Variants in MCL1 observed in about 807,000 individuals in gnomAD.
MCL1 encodes induced myeloid leukemia cell differentiation protein Mcl-1.
In MCL1, 4 loss-of-function variants were observed where a neutral mutation model predicts 24.2. That is an observed-to-expected ratio of 0.17 (90% CI 0.08 to 0.38). The LOEUF is 0.38. Ranked by LOEUF, MCL1 falls within the 10% of genes least tolerant of loss-of-function variation. MCL1 has a pLI of 1.00. For synonymous variants in MCL1, 248 were observed against 214.0 expected (o/e 1.16, Z -1.39); for missense variants, 529 against 480.3 (o/e 1.10, Z -0.95).
Position 150,575,216 on chromosome 1 carries a change from T to C in MCL1, c.*2159A>G. The C allele has an allele frequency of 4.3e-6, 1 of 233,304 alleles. No individual in the cohort carries two copies. The highest frequency in any genetic ancestry group is 8.5e-6 in the Non-Finnish European group (1 of 117,824). 14.5% of individuals were successfully genotyped at this position (233,304 alleles called of 1,614,324 possible). A position where few individuals can be genotyped will look rare whatever the true frequency, so the allele number is the denominator to read the frequency against. ...TGATCAAGAACGATAAATACATAGG[T>C]AAAAATAGCTCTAGCAAAGATGACC... On this transcript the variant is annotated 3_prime_UTR_variant, in exon 3 of 3. Coordinates refer to ENST00000369026, the MANE Select transcript of MCL1 (RefSeq NM_021960.5).
chr1:150,578,596 A>G, intron 1 of MCL1, 105 bp from the exon 2 acceptor site: 1 of 1,396,080 alleles, frequency 7.2e-7, no homozygotes, highest in Non-Finnish European at 9.8e-7. Context: ...GATTTACAGA[A>G]CTCAGGTTGA....
In MCL1 at chr1:150,579,544, C is replaced by T. The variant is rs769547499; in HGVS notation, c.-14G>A. On this transcript the variant is annotated 5_prime_UTR_variant, in exon 1 of 3. Transcript: ENST00000369026. ...GAGGCCAAACATTGCCAGTCGCCGC[C>T]GCCGCCTGGCTGAGAAAACTGGGGA... 3.8e-6 allele frequency: 6 copies of T among 1,590,804 alleles called. No individual in the cohort carries two copies. Among genetic ancestry groups the T allele is most frequent in the Non-Finnish European group, 4.3e-6 (5 of 1,170,282 alleles).
intron 1 of MCL1, 166 bp downstream of exon 1, chr1:150,578,677 A>G: frequency 2.0e-6 from 2 of 1,011,746 alleles, no homozygotes; most frequent in South Asian, 3.3e-5. Context: ...AAGAATCAAG[A>G]TGGGCGGAAA....
rs981789190 is a variant in MCL1, at chr1:150,575,086, G to A, written c.*2289C>T. 2.1e-5 allele frequency: 5 copies of A among 233,276 alleles called. No individual in the cohort carries two copies. The highest frequency in any genetic ancestry group is 3.4e-5 in the Non-Finnish European group (4 of 117,854). The allele number at this position is 233,276 out of a possible 1,614,324, so 14.5% of individuals were successfully genotyped here. A position where few individuals can be genotyped will look rare whatever the true frequency, so the allele number is the denominator to read the frequency against. ...TATGCACTTGTTTCCACTGGATTTG[G>A]CAGACAGGCTTTTTTAGTTACCGTA... On this transcript the variant is annotated 3_prime_UTR_variant, in exon 3 of 3. Transcript: ENST00000369026.
chr1:150,576,192 A>T lies in MCL1; in HGVS notation c.*1183T>A. ...ATTCAGCTGAAAATCTTTTAGTAAAAGCTTTAAAGATGAGCCCATGAATTC... is the reference window on the plus strand; with the variant it reads ...ATTCAGCTGAAAATCTTTTAGTAAATGCTTTAAAGATGAGCCCATGAATTC... On this transcript the variant is annotated 3_prime_UTR_variant, in exon 3 of 3. Transcript: ENST00000369026. The T allele has an allele frequency of 4.3e-6, 1 of 233,286 alleles. No individual in the cohort carries two copies. The allele number at this position is 233,286 out of a possible 1,614,324, so 14.5% of individuals were successfully genotyped here.
Position 150,575,025 on chromosome 1 carries a change from A to T in MCL1, c.*2350T>A, listed in dbSNP as rs1647729353. 4.3e-6 allele frequency: 1 copy of T among 233,194 alleles called. No individual in the cohort carries two copies. Among genetic ancestry groups the T allele is most frequent in the Non-Finnish European group, 8.5e-6 (1 of 117,970 alleles). The allele number at this position is 233,194 out of a possible 1,614,324, so 14.4% of individuals were successfully genotyped here. A position where few individuals can be genotyped will look rare whatever the true frequency, so the allele number is the denominator to read the frequency against. Reference sequence around the variant, plus strand: ...GTATTTCCACAGTCATACCTAATGAATTGGGAAGTGGGGCCCCTAAAAACC... The same window carrying T: ...GTATTTCCACAGTCATACCTAATGATTTGGGAAGTGGGGCCCCTAAAAACC... On this transcript the variant is annotated 3_prime_UTR_variant, in exon 3 of 3. Transcript: ENST00000369026.
rs1209828479 is a variant in MCL1, at chr1:150,579,249, C to A, written c.282G>T (p.Ala94=). The change falls in exon 1 of 3, where the codon GCG becomes GCT. Residue 94 remains alanine (A), a synonymous_variant. Transcript: ENST00000369026. ...GGGTGGGCGCGAAGAAAAGCAGCCT[C>A]GCGGGGGTCGCGGTGACGTCGGGGA... is the stretch of plus-strand genomic sequence containing the variant. ...AEVPDVTATP[A]RLLFFAPTRR... 2 of 1,515,744 alleles carry A rather than the reference C, an allele frequency of 1.3e-6. No individual in the cohort carries two copies. The highest frequency in any genetic ancestry group is 2.8e-5 in the African/African-American group (2 of 71,704). 93.9% of individuals were successfully genotyped at this position (1,515,744 alleles called of 1,614,324 possible).
At position 150,574,919 on chromosome 1, in the gene MCL1, CCCT is replaced by C. The variant is rs1647725195; in HGVS notation, c.*2453_*2455del. The C allele has an allele frequency of 4.3e-6, 1 of 233,172 alleles. No homozygotes were observed. Among genetic ancestry groups the C allele is most frequent in the African/African-American group, 2.2e-5 (1 of 45,306 alleles). The allele number at this position is 233,172 out of a possible 1,614,324, so 14.4% of individuals were successfully genotyped here. Reference sequence around the variant, plus strand: ...TCCTCCCCCTATAAACCCACCACTCCCCTCCTCCTTTCCCAAACCACTTGGGGT... The same window carrying C: ...TCCTCCCCCTATAAACCCACCACTCCCCTCCTTTCCCAAACCACTTGGGGT... On this transcript the variant is annotated 3_prime_UTR_variant, in exon 3 of 3. Transcript: ENST00000369026.
intron 1 of MCL1, 68 bp downstream of exon 1, chr1:150,578,775 T>C: frequency 6.6e-7 from 1 of 1,509,908 alleles, no homozygotes; most frequent in Non-Finnish European, 9.0e-7. Context: ...AACCCACCCT[T>C]GGCGGGTGAG....
At position 150,579,004 on chromosome 1, in the gene MCL1, C is replaced by A. The variant is rs745749002; in HGVS notation, c.527G>T (p.Arg176Leu). 1.1e-5 allele frequency: 17 copies of A among 1,613,534 alleles called. No homozygotes were observed. The Admixed American group carries it at 2.7e-4, about 25-fold the overall frequency. Reference protein sequence around the residue: ...PAEEEEDELYRQSLEIISRYL... With the variant: ...PAEEEEDELYLQSLEIISRYL... ...CCGAGAGATAATCTCCAGCGACTGC[C>A]GGTACAACTCGTCCTCCTCCTCCTC... is the stretch of plus-strand genomic sequence containing the variant. Residue 176 changes from arginine to leucine, a missense_variant, in exon 1 of 3, where the codon CGG becomes CTG. Coordinates refer to ENST00000369026, the MANE Select transcript of MCL1 (RefSeq NM_021960.5).
rs1308658618 is a variant in MCL1, at chr1:150,575,430, AAC to A, written c.*1943_*1944del. 1.3e-5 allele frequency: 3 copies of A among 232,902 alleles called. No individual in the cohort carries two copies. Among genetic ancestry groups the A allele is most frequent in the Non-Finnish European group, 2.5e-5 (3 of 117,750 alleles). 14.4% of individuals were successfully genotyped at this position (232,902 alleles called of 1,614,324 possible). On this transcript the variant is annotated 3_prime_UTR_variant, in exon 3 of 3. Coordinates refer to ENST00000369026, the MANE Select transcript of MCL1 (RefSeq NM_021960.5). ...CAGTAGCTTTTAAACTCTGAGGTTT[AAC>A]ACAGCTCACCTCTTTCTGTAAATTT...
At position 150,578,352 on chromosome 1, in the gene MCL1, T is replaced by C; in HGVS notation, c.828A>G (p.Lys276=). The C allele has an allele frequency of 6.2e-7, 1 of 1,614,208 alleles. No homozygotes were observed. The highest frequency in any genetic ancestry group is 8.5e-7 in the Non-Finnish European group (1 of 1,180,038). ...TTTCTTGGTTTATGGTCTTCAAGTG[T>C]TTAGCCACAAAGGCACCAAAAGAAA... ...TLISFGAFVA[K]HLKTINQESC... is the part of the protein sequence containing the mutation. The change falls in exon 2 of 3, where the codon AAA becomes AAG. Residue 276 remains lysine, a synonymous_variant. Transcript: ENST00000369026.
intron 1 of MCL1, 146 bp from the exon 2 acceptor site, chr1:150,578,637 CGGTCTTTGAACAA>C: frequency 1.8e-6 from 2 of 1,113,170 alleles, no homozygotes; most frequent in South Asian, 3.1e-5. Context: ...CCACCCTTTC[CGGTCTTTGAACAA>C]GAGCTGCCAT....
rs1373245226 is a variant in MCL1 at position 150,578,482 on chromosome 1, C to T, written c.698G>A (p.Arg233Gln). Residue 233 changes from arginine to glutamine, a missense_variant, in exon 2 of 3, where the codon CGG becomes CAG. Coordinates refer to ENST00000369026, the MANE Select transcript of MCL1 (RefSeq NM_021960.5). ...NHETAFQGML[R>Q]KLDIKNEDDV... is the part of the protein sequence containing the mutation. ...GTCTTCGTTTTTGATGTCCAGTTTC[C>T]GAAGCATGCCTGAGAAAGAAAAGCA... The T allele has an allele frequency of 3.7e-6, 6 of 1,614,004 alleles. No homozygotes were observed. The highest frequency in any genetic ancestry group is 5.1e-6 in the Non-Finnish European group (6 of 1,180,010).
Position 150,579,220 on chromosome 1 carries a change from C to A in MCL1, c.311G>T (p.Arg104Leu), listed in dbSNP as rs1351372864. 6.4e-7 allele frequency: 1 copy of A among 1,570,680 alleles called. No homozygotes were observed. Among genetic ancestry groups the A allele is most frequent in the Admixed American group, 1.9e-5 (1 of 53,766 alleles). The change falls in exon 1 of 3, where the codon CGC becomes CTC. Residue 104 changes from arginine to leucine, a missense_variant. By Grantham distance (102) the Arg-to-Leu change is moderately radical. Transcript: ENST00000369026. Reference sequence around the variant, plus strand: ...TTCCATCTCCTCAAGCGGCGCCGCGCGGCGGGTGGGCGCGAAGAAAAGCAG... The same window carrying A: ...TTCCATCTCCTCAAGCGGCGCCGCGAGGCGGGTGGGCGCGAAGAAAAGCAG... ...ARLLFFAPTRRAAPLEEMEAP... is the reference protein window; with the variant it reads ...ARLLFFAPTRLAAPLEEMEAP...
chr1:150,579,551 T>G lies in MCL1; in HGVS notation c.-21A>C, dbSNP rs1647994594. On this transcript the variant is annotated 5_prime_UTR_variant, in exon 1 of 3. Coordinates refer to ENST00000369026, the MANE Select transcript of MCL1 (RefSeq NM_021960.5). ...AACATTGCCAGTCGCCGCCGCCGCC[T>G]GGCTGAGAAAACTGGGGAAGACCCC... 1 of 1,587,094 alleles carries G rather than the reference T, an allele frequency of 6.3e-7. No individual in the cohort carries two copies. The highest frequency in any genetic ancestry group is 1.1e-5 in the South Asian group (1 of 88,940).
chr1:150,579,256 G>A lies in MCL1; in HGVS notation c.275C>T (p.Thr92Ile), dbSNP rs1647971478. ...IGAEVPDVTA[T>I]PARLLFFAPT... ...CGCGAAGAAAAGCAGCCTCGCGGGG[G>A]TCGCGGTGACGTCGGGGACCTCGGC... Residue 92 changes from threonine (T) to isoleucine (I), a missense_variant, in exon 1 of 3, where the codon ACC (threonine) becomes ATC (isoleucine). Thr to Ile is a moderately conservative substitution (Grantham distance 89). Coordinates refer to ENST00000369026, the MANE Select transcript of MCL1 (RefSeq NM_021960.5). 1 of 1,512,754 alleles carries A rather than the reference G, an allele frequency of 6.6e-7. No individual in the cohort carries two copies. 93.7% of individuals were successfully genotyped at this position (1,512,754 alleles called of 1,614,324 possible). A position where few individuals can be genotyped will look rare whatever the true frequency, so the allele number is the denominator to read the frequency against.
rs970127587 is a variant in MCL1 at position 150,576,634 on chromosome 1, G to A, written c.*741C>T. On this transcript the variant is annotated 3_prime_UTR_variant, in exon 3 of 3. Transcript: ENST00000369026. The stretch of plus-strand genomic sequence containing the variant: ...GTATGAAAAAAACTAATGTAAATTC[G>A]ATACTTCCTTCGTTTCAAAGAAATA... 1 of 232,052 alleles carries A rather than the reference G, an allele frequency of 4.3e-6. No homozygotes were observed. Among genetic ancestry groups the A allele is most frequent in the Non-Finnish European group, 8.5e-6 (1 of 117,216 alleles). 14.4% of individuals were successfully genotyped at this position (232,052 alleles called of 1,614,324 possible). A position where few individuals can be genotyped will look rare whatever the true frequency, so the allele number is the denominator to read the frequency against.
In MCL1 at chr1:150,579,473, C is replaced by G; in HGVS notation, c.58G>C (p.Gly20Arg). ...IGLNLYCGGA[G>R]LGAGSGGATR... ...GCGCCGCCGCTGCCGGCCCCCAAGCCGGCCCCCCCACAGTAGAGGTTGAGT... is the reference window on the plus strand; with the variant it reads ...GCGCCGCCGCTGCCGGCCCCCAAGCGGGCCCCCCCACAGTAGAGGTTGAGT... Residue 20 changes from glycine (G) to arginine (R), a missense_variant, in exon 1 of 3, where the codon GGC becomes CGC. Gly to Arg is a moderately radical substitution (Grantham distance 125). Coordinates refer to ENST00000369026, the MANE Select transcript of MCL1 (RefSeq NM_021960.5). The G allele has an allele frequency of 6.3e-7, 1 of 1,593,366 alleles. No homozygotes were observed. Among genetic ancestry groups the G allele is most frequent in the Non-Finnish European group, 8.5e-7 (1 of 1,171,770 alleles).
Sources: allele counts gnomAD v4.1 joint callset, GRCh38; gene constraint gnomAD v4.1.1; transcripts MANE v1.5; gene names NCBI Gene and HGNC (gene_info 2026-07-23, HGNC 2026-07-21).